The following ELF5 variants were observed in gnomAD, a reference collection of about 807,000 sequenced individuals.
ELF5 encodes ETS-related transcription factor Elf-5.
ELF5 carries 31 observed loss-of-function variants against 38.2 expected under a neutral mutation model. That is an observed-to-expected ratio of 0.81 (90% CI 0.61 to 1.10). The LOEUF is 1.10. Among genes scored for constraint, ELF5 ranks in the 50% least tolerant of loss-of-function variants. The pLI, the probability that ELF5 is intolerant of heterozygous loss-of-function variation, is 0.00. For missense variants in ELF5, 300 were observed against 306.6 expected (o/e 0.98, Z 0.16); for synonymous variants, 121 against 112.5 (o/e 1.08, Z -0.48).
At chr11:34,511,514 T>A (rs766633502) in intron 1 of ELF5, 2 of 1,614,182 alleles carry the variant, frequency 1.2e-6, no homozygotes, top group South Asian at 2.2e-5. Context: ...GTGGGCTCAC[T>A]TCACACATGA....
At chr11:34,482,522 A>G in intron 4 of ELF5, 23 bp from the exon 5 acceptor site, 1 of 1,599,618 alleles carries the variant, frequency 6.3e-7, no homozygotes, top group Non-Finnish European at 8.5e-7. Flanking sequence ...AATTTATAGC[A>G]GTGGAAAGGG....
chr11:34,483,498 C>T (rs1402845720), intron 4 of ELF5, among the ~76,000 whole-genome samples: 1 of 151,936 alleles, frequency 6.6e-6, no homozygotes. Context: ...CCACACTATA[C>T]TAACTATACT....
chr11:34,488,818 G>A (rs1321317962), intron 4 of ELF5, among the ~76,000 whole-genome samples: 1 of 152,224 alleles, frequency 6.6e-6, no homozygotes, highest in African/African-American at 2.4e-5. Flanking sequence ...ATGCCTGCCT[G>A]TGGCTCAAGC....
chr11:34,498,723 G>T (rs900750263), intron 2 of ELF5, among the ~76,000 whole-genome samples: 1 of 152,176 alleles, frequency 6.6e-6, no homozygotes, highest in Non-Finnish European at 1.5e-5. Flanking sequence ...ATCAGAGGGT[G>T]AGTCCATTAA....
intron 3 of ELF5, chr11:34,492,963 A>G (rs1328306204): frequency 1.2e-5 from 2 of 171,410 alleles, no homozygotes; most frequent in Admixed American, 1.1e-4. Context: ...AAAAATGTTC[A>G]TCGACATTCT....
intron 2 of ELF5, among the ~76,000 whole-genome samples, chr11:34,502,894 C>T (rs537342042): frequency 2.6e-5 from 4 of 152,284 alleles, no homozygotes; most frequent in Admixed American, 6.5e-5. Flanking sequence ...CCTTTCATGA[C>T]GTTGATGGAA....
In ELF5 at chr11:34,501,864, T is replaced by A. The variant is rs529355683; in HGVS notation, c.121+3765A>T. 2.1e-4 allele frequency among the ~76,000 whole-genome samples: 32 copies of A among 152,180 alleles called. 1 individual carries two copies. Among genetic ancestry groups the A allele is most frequent in the Non-Finnish European group, 4.1e-4 (28 of 68,018 alleles). On this transcript the variant is annotated intron_variant, in intron 2 of 6. Coordinates refer to ENST00000257832, the MANE Select transcript of ELF5 (RefSeq NM_001422.4). Reference sequence around the variant, plus strand: ...TGGTTTTCCTAAATAGGCTGAGTATTCCACCCTTCCCTCTCCTAGACATCA... The same window carrying A: ...TGGTTTTCCTAAATAGGCTGAGTATACCACCCTTCCCTCTCCTAGACATCA...
At chr11:34,488,748 C>T (rs1003097616) in intron 4 of ELF5, among the ~76,000 whole-genome samples, 5 of 152,192 alleles carry the variant, frequency 3.3e-5, no homozygotes, top group African/African-American at 1.2e-4. Flanking sequence ...GGTGAAGACA[C>T]TGACCCCTGG....
intron 2 of ELF5, among the ~76,000 whole-genome samples, chr11:34,503,508 G>A (rs942055010): frequency 2.6e-5 from 4 of 151,490 alleles, no homozygotes; most frequent in African/African-American, 7.3e-5. Context: ...GAGTGCAGTG[G>A]CGTGACTGCA....
intron 3 of ELF5, chr11:34,492,529 G>T (rs1355252222): frequency 1.3e-5 from 2 of 152,192 alleles, no homozygotes; most frequent in Non-Finnish European, 2.9e-5. Context: ...TCTTAAAACT[G>T]AGCTGAGATA....
chr11:34,510,788 A>C (rs79030054), intron 1 of ELF5, among the ~76,000 whole-genome samples: 204 of 152,320 alleles, frequency 1.3e-3, no homozygotes, highest in African/African-American at 4.7e-3. Flanking sequence ...GGAGATGATT[A>C]AGAAAAAATG....
At chr11:34,495,785 T>C (rs1319494050) in intron 2 of ELF5, among the ~76,000 whole-genome samples, 2 of 152,186 alleles carry the variant, frequency 1.3e-5, no homozygotes, top group Non-Finnish European at 2.9e-5. Context: ...GGAGCTGGCT[T>C]ACCAGGCCCG....
chr11:34,488,659 T>C (rs1459914190), intron 4 of ELF5, among the ~76,000 whole-genome samples: 1 of 152,250 alleles, frequency 6.6e-6, no homozygotes, highest in Non-Finnish European at 1.5e-5. Context: ...AAGAACTTAC[T>C]GGACACACCT....
At chr11:34,502,649 C>G (rs1375041010) in intron 2 of ELF5, among the ~76,000 whole-genome samples, 2 of 152,238 alleles carry the variant, frequency 1.3e-5, no homozygotes, top group Non-Finnish European at 2.9e-5. Flanking sequence ...TGATACTGAG[C>G]TTCCCCTGAA....
intron 3 of ELF5, among the ~76,000 whole-genome samples, chr11:34,490,275 G>A (rs547952588): frequency 3.3e-5 from 5 of 152,152 alleles, no homozygotes; most frequent in African/African-American, 9.7e-5. Flanking sequence ...GTCATTTGGA[G>A]GGAGCACCCA....
chr11:34,513,144 G>A (rs1001263834), intron 1 of ELF5, among the ~76,000 whole-genome samples: 3 of 152,216 alleles, frequency 2.0e-5, no homozygotes, highest in Non-Finnish European at 4.4e-5. Context: ...ATTCTCTTCT[G>A]GGGAGATGTC....
chr11:34,512,279 T>G (rs1487420081), intron 1 of ELF5, among the ~76,000 whole-genome samples: 1 of 152,140 alleles, frequency 6.6e-6, no homozygotes, highest in Non-Finnish European at 1.5e-5. Context: ...TGTCAAGTGA[T>G]TCCTCATTTT....
At chr11:34,484,673 G>A (rs146539250) in intron 4 of ELF5, among the ~76,000 whole-genome samples, 85 of 152,228 alleles carry the variant, frequency 5.6e-4, no homozygotes, top group African/African-American at 2.0e-3. Flanking sequence ...CACCTCGCCA[G>A]CTGAACATCC....
intron 1 of ELF5, among the ~76,000 whole-genome samples, chr11:34,513,133 C>T (rs781341819): frequency 6.6e-6 from 1 of 152,198 alleles, no homozygotes; most frequent in Non-Finnish European, 1.5e-5. Context: ...TTTCTGGAAG[C>T]ATTCTCTTCT....
Sources: gnomAD v4.1 joint callset for allele counts (sites outside exome capture counted in the v4.1 genomes callset) on GRCh38, gnomAD v4.1.1 for gene constraint, MANE v1.5 for transcripts, NCBI Gene and HGNC (gene_info 2026-07-23, HGNC 2026-07-21) for gene names.